The following DLG2 variants were observed in gnomAD, a reference collection of about 807,000 sequenced individuals.
The protein encoded by DLG2 is disks large homolog 2.
DLG2 carries 45 observed loss-of-function variants against 132.5 expected under a neutral mutation model. The observed-to-expected ratio is 0.34, with a 90% CI of 0.27 to 0.44. The LOEUF (loss-of-function observed/expected upper bound fraction) is 0.44, where lower values mean the gene tolerates loss of function less well. Ranked by LOEUF, DLG2 falls within the 20% of genes least tolerant of loss-of-function variation. The probability of loss-of-function intolerance (pLI) is 1.00; values close to 1 mark genes in which losing one functional copy is unlikely to be tolerated. For synonymous variants in DLG2, 424 were observed against 419.6 expected, an observed-to-expected ratio of 1.01 and a Z score of -0.13; for missense variants, 1,045 against 1,196.9, an observed-to-expected ratio of 0.87 and a Z score of 1.87.
intron 6 of DLG2, among the ~76,000 whole-genome samples, chr11:84,857,782 A>G (rs191880459): frequency 4.7e-4 from 71 of 152,222 alleles, no homozygotes; most frequent in Admixed American, 1.2e-3. Context: ...GGAGGAACCA[A>G]GATCTTTGGC....
intron 16 of DLG2, among the ~76,000 whole-genome samples, chr11:83,850,946 G>A (rs909478986): frequency 2.1e-4 from 32 of 152,114 alleles, no homozygotes; most frequent in African/African-American, 6.0e-4. Context: ...GGAGGCCGAG[G>A]CGGGCAGATC....
At chr11:83,564,307 C>T (rs190506043) in intron 19 of DLG2, among the ~76,000 whole-genome samples, 9 of 152,150 alleles carry the variant, frequency 5.9e-5, no homozygotes, top group Admixed American at 4.6e-4. Context: ...TCCTAAGATA[C>T]CATAGACAGG....
intron 6 of DLG2, among the ~76,000 whole-genome samples, chr11:84,947,218 A>C (rs2050329714): frequency 6.6e-6 from 1 of 152,104 alleles, no homozygotes; most frequent in South Asian, 2.1e-4. Context: ...GGTTCTTATG[A>C]GGGTGCATTC....
At chr11:85,096,922 C>T (rs150626293) in intron 6 of DLG2, among the ~76,000 whole-genome samples, 37 of 152,216 alleles carry the variant, frequency 2.4e-4, no homozygotes, top group African/African-American at 8.9e-4. Flanking sequence ...GAACTATCTT[C>T]CGCTTTTCCT....
intron 3 of DLG2, among the ~76,000 whole-genome samples, chr11:85,292,125 T>C (rs894803271): frequency 3.9e-5 from 6 of 152,160 alleles, no homozygotes; most frequent in African/African-American, 1.4e-4. Context: ...TAAATGTTCA[T>C]ATCCAATTTC....
intron 6 of DLG2, among the ~76,000 whole-genome samples, chr11:84,857,651 C>T (rs1195096282): frequency 6.6e-6 from 1 of 151,672 alleles, no homozygotes; most frequent in African/African-American, 2.4e-5. Flanking sequence ...TTATTTAGTC[C>T]CTATTTTAAA....
intron 4 of DLG2, among the ~76,000 whole-genome samples, chr11:85,168,044 C>T (rs1365686656): frequency 1.3e-5 from 2 of 152,054 alleles, no homozygotes; most frequent in Non-Finnish European, 2.9e-5. Flanking sequence ...TAGGCACAAC[C>T]TAGGAGTTCA....
At chr11:85,485,552 G>C (rs2093411030) in intron 3 of DLG2, among the ~76,000 whole-genome samples, 2 of 152,140 alleles carry the variant, frequency 1.3e-5, no homozygotes, top group Middle Eastern at 3.2e-3. Flanking sequence ...GAAGTGATGA[G>C]AAGTACTGAA....
chr11:84,421,365 G>T (rs987568252), intron 7 of DLG2, among the ~76,000 whole-genome samples: 14 of 152,144 alleles, frequency 9.2e-5, no homozygotes, highest in African/African-American at 1.4e-4. Context: ...AGCAAGCGGG[G>T]CCAGTAAACT....
At chr11:85,055,715 G>C (rs2063384091) in intron 6 of DLG2, among the ~76,000 whole-genome samples, 1 of 152,158 alleles carries the variant, frequency 6.6e-6, no homozygotes, top group Non-Finnish European at 1.5e-5. Context: ...AGGAGACTAT[G>C]AAGTTGGGAA....
intron 6 of DLG2, among the ~76,000 whole-genome samples, chr11:85,039,767 T>C (rs1256902216): frequency 6.6e-6 from 1 of 151,978 alleles, no homozygotes; most frequent in Non-Finnish European, 1.5e-5. Flanking sequence ...ATTGATACAC[T>C]ATAAGCCCCT....
chr11:84,264,882 C>T (rs1052388669), intron 7 of DLG2, among the ~76,000 whole-genome samples: 3 of 152,184 alleles, frequency 2.0e-5, no homozygotes, highest in African/African-American at 7.2e-5. Flanking sequence ...GCTTCTAGGA[C>T]TGGCTGTGGC....
chr11:85,551,040 G>A (rs2076631160), intron 3 of DLG2, among the ~76,000 whole-genome samples: 1 of 152,132 alleles, frequency 6.6e-6, no homozygotes, highest in Non-Finnish European at 1.5e-5. Flanking sequence ...GTTAATTTTA[G>A]GATAAAATCC....
At chr11:85,225,564 G>A (rs2074924786) in intron 4 of DLG2, among the ~76,000 whole-genome samples, 1 of 151,860 alleles carries the variant, frequency 6.6e-6, no homozygotes, top group Non-Finnish European at 1.5e-5. Flanking sequence ...AGTTTCTTTT[G>A]TACTTTCCCT....
At chr11:85,529,269 C>T (rs919168888) in intron 3 of DLG2, among the ~76,000 whole-genome samples, 4 of 152,170 alleles carry the variant, frequency 2.6e-5, no homozygotes, top group South Asian at 4.1e-4. Context: ...ACCTGTTCCC[C>T]GACAAATTAT....
At chr11:83,825,169 ATATTTTTTT>A (rs2052286364) in intron 17 of DLG2, among the ~76,000 whole-genome samples, 4 of 91,210 alleles carry the variant, frequency 4.4e-5, no homozygotes, top group African/African-American at 2.0e-4. Flanking sequence ...ATATATATAT[ATATTTTTTT>A]TTTTTTTTTT....
chr11:83,894,370 C>G (rs2070923312), intron 15 of DLG2, among the ~76,000 whole-genome samples: 1 of 152,132 alleles, frequency 6.6e-6, no homozygotes, highest in Non-Finnish European at 1.5e-5. Flanking sequence ...CAAAAATAGA[C>G]TGAACACTAT....
At chr11:85,553,611 G>C (rs2076784554) in intron 3 of DLG2, among the ~76,000 whole-genome samples, 2 of 150,804 alleles carry the variant, frequency 1.3e-5, no homozygotes. Flanking sequence ...GATGTGTGGA[G>C]GAAACTACAT....
intron 11 of DLG2, among the ~76,000 whole-genome samples, chr11:84,046,687 T>C (rs1279920487): frequency 6.6e-6 from 1 of 151,652 alleles, no homozygotes; most frequent in Non-Finnish European, 1.5e-5. Flanking sequence ...TTGCCTAATA[T>C]CAACCTTTAT....
Sources: allele counts gnomAD v4.1 joint callset (sites outside exome capture counted in the v4.1 genomes callset), GRCh38; gene constraint gnomAD v4.1.1; transcripts MANE v1.5; gene names NCBI Gene and HGNC (gene_info 2026-07-23, HGNC 2026-07-21).